CAMTA1: variants seen among roughly 807,000 people sequenced by gnomAD.
CAMTA1 encodes the protein calmodulin-binding transcription activator 1.
In CAMTA1, 27 loss-of-function variants were observed where a neutral mutation model predicts 170.9. The observed-to-expected ratio is 0.16, with a 90% CI of 0.12 to 0.22. The LOEUF (loss-of-function observed/expected upper bound fraction) is 0.22. Ranked by LOEUF, CAMTA1 falls within the 10% of genes least tolerant of loss-of-function variation. CAMTA1 has a pLI of 1.00. For missense variants in CAMTA1, 1,619 were observed against 2,217.2 expected (o/e 0.73, Z 5.42); for synonymous variants, 833 against 891.5 (o/e 0.93, Z 1.17).
At chr1:6,936,881 G>C (rs1230995982) in intron 3 of CAMTA1, among the ~76,000 whole-genome samples, 1 of 152,110 alleles carries the variant, frequency 6.6e-6, no homozygotes, top group Non-Finnish European at 1.5e-5. Flanking sequence ...CCAGCCACTC[G>C]GGAGGCTGAA....
chr1:6,963,285 C>T (rs1397493348), intron 3 of CAMTA1, among the ~76,000 whole-genome samples: 1 of 27,118 alleles, frequency 3.7e-5, no homozygotes, highest in East Asian at 2.6e-3. Flanking sequence ...CCCCCCCCCC[C>T]CCGCTTTCCA....
At chr1:7,095,617 C>A (rs10864278) in intron 4 of CAMTA1, among the ~76,000 whole-genome samples, 38,882 of 152,218 alleles carry the variant, frequency 0.26, 5,247 homozygotes, top group African/African-American at 0.33. Flanking sequence ...TCAATAGCTC[C>A]TCTATTCCTC....
intron 3 of CAMTA1, among the ~76,000 whole-genome samples, chr1:7,018,111 G>GCACC (rs1700818910): frequency 7.8e-6 from 1 of 127,758 alleles, no homozygotes; most frequent in African/African-American, 3.0e-5. Context: ...CCACAGGTGT[G>GCACC]CGGCACCACG....
At chr1:7,407,986 C>T (rs1235501570) in intron 5 of CAMTA1, among the ~76,000 whole-genome samples, 1 of 152,142 alleles carries the variant, frequency 6.6e-6, no homozygotes, top group Non-Finnish European at 1.5e-5. Flanking sequence ...TCAACAAACA[C>T]CAATGCAAGC....
rs1674520795 is a variant in CAMTA1, at chr1:7,299,954, T to A, written c.438+50328T>A. 6.6e-6 allele frequency among the ~76,000 whole-genome samples: 1 copy of A among 152,194 alleles called. No homozygotes were observed. ...CCCCGAAAGCTTAAGTGTCATTGAC[T>A]TCCTAGCAACCCTGACTGTGGTCTG... On this transcript the variant is annotated intron_variant, in intron 5 of 22. Coordinates refer to ENST00000303635, the MANE Select transcript of CAMTA1 (RefSeq NM_015215.4). The surrounding 1 kb of genome is among the most constrained non-coding windows in gnomAD (Gnocchi z 4.7).
At chr1:7,182,537 C>A (rs1652428174) in intron 4 of CAMTA1, among the ~76,000 whole-genome samples, 2 of 150,122 alleles carry the variant, frequency 1.3e-5, no homozygotes, top group Admixed American at 1.3e-4. Flanking sequence ...CATGGGTGAG[C>A]TTTTCTGTAA....
chr1:6,928,360 G>C (rs938220460), intron 3 of CAMTA1, among the ~76,000 whole-genome samples: 1 of 152,188 alleles, frequency 6.6e-6, no homozygotes, highest in East Asian at 1.9e-4. Context: ...TTATAAGACA[G>C]GGAGTCTGAA....
intron 3 of CAMTA1, among the ~76,000 whole-genome samples, chr1:6,880,780 TA>T (rs1442248760): frequency 6.6e-6 from 1 of 152,136 alleles, no homozygotes; most frequent in East Asian, 1.9e-4. Context: ...CAGAGTGACT[TA>T]AATTCAAATA....
chr1:7,607,529 G>A (rs1159200449), intron 6 of CAMTA1, among the ~76,000 whole-genome samples: 2 of 152,030 alleles, frequency 1.3e-5, no homozygotes, highest in Non-Finnish European at 1.5e-5. Context: ...GGGGTTGATG[G>A]ATGGAAGATG....
Position 7,732,458 on chromosome 1 carries a change from C to T in CAMTA1, c.2925C>T (p.Phe975=), listed in dbSNP as rs2096741097. ...CCTGCTCTGCCCTAGATAACCAGTT[C>T]AGGATGTCCATCCTGGAACGACTGG... ...HDWLSLDDNQ[F]RMSILERLEQ... Residue 975 remains phenylalanine, a synonymous_variant, in exon 12 of 23, where the codon TTC becomes TTT. Coordinates refer to ENST00000303635, the MANE Select transcript of CAMTA1 (RefSeq NM_015215.4). The surrounding 1 kb of genome is among the most constrained non-coding windows in gnomAD (Gnocchi z 4.1). 6 of 1,613,946 alleles carry T rather than the reference C, an allele frequency of 3.7e-6. No individual in the cohort carries two copies. Among genetic ancestry groups the T allele is most frequent in the Non-Finnish European group, 5.1e-6 (6 of 1,179,946 alleles).
intron 6 of CAMTA1, among the ~76,000 whole-genome samples, chr1:7,636,367 A>C (rs922378031): frequency 2.6e-5 from 4 of 152,224 alleles, no homozygotes; most frequent in South Asian, 2.1e-4. Context: ...TACCCAGAAA[A>C]GATGAAGAAC....
intron 5 of CAMTA1, among the ~76,000 whole-genome samples, chr1:7,309,448 C>T (rs560835854): frequency 1.7e-4 from 26 of 151,368 alleles, no homozygotes; most frequent in African/African-American, 5.6e-4. Flanking sequence ...TACAGGCGCC[C>T]GCCACTACGC....
At chr1:7,595,544 G>A (rs2095393316) in intron 6 of CAMTA1, among the ~76,000 whole-genome samples, 1 of 152,174 alleles carries the variant, frequency 6.6e-6, no homozygotes, top group African/African-American at 2.4e-5. Context: ...CAGCACCACG[G>A]AGCCCGGACA....
chr1:7,139,083 TTTA>T (rs1307892122), intron 4 of CAMTA1, among the ~76,000 whole-genome samples: 25 of 144,544 alleles, frequency 1.7e-4, no homozygotes, highest in African/African-American at 5.5e-4. Context: ...TTTATATTTA[TTTA>T]TTATTTATAT....
At position 7,249,646 on chromosome 1, in the gene CAMTA1, C is replaced by G; in HGVS notation, c.438+20C>G. The G allele has an allele frequency of 6.2e-7, 1 of 1,611,626 alleles. No homozygotes were observed. The highest frequency in any genetic ancestry group is 8.5e-7 in the Non-Finnish European group (1 of 1,178,884). On this transcript the variant is annotated intron_variant, in intron 5 of 22. Transcript: ENST00000303635. The surrounding 1 kb of genome is among the most constrained non-coding windows in gnomAD (Gnocchi z 4.4). ...GTGGAGGTAAACAGCAGAAAAGGTTCCCTTGGTGCACAAATGTCATTTGCA... is the reference window on the plus strand; with the variant it reads ...GTGGAGGTAAACAGCAGAAAAGGTTGCCTTGGTGCACAAATGTCATTTGCA...
chr1:7,540,972 A>G (rs887580054), intron 6 of CAMTA1, among the ~76,000 whole-genome samples: 3 of 152,160 alleles, frequency 2.0e-5, no homozygotes, highest in African/African-American at 7.2e-5. Flanking sequence ...GTTGCTTACA[A>G]CCTGCCCTGG....
At chr1:7,334,467 T>C (rs1313153960) in intron 5 of CAMTA1, among the ~76,000 whole-genome samples, 2 of 152,232 alleles carry the variant, frequency 1.3e-5, no homozygotes, top group Admixed American at 6.5e-5. Context: ...CTGCTTACCC[T>C]AGCATGTAGC....
chr1:7,363,596 T>A (rs779603546), intron 5 of CAMTA1, among the ~76,000 whole-genome samples: 23 of 152,116 alleles, frequency 1.5e-4, no homozygotes, highest in Non-Finnish European at 2.8e-4. Flanking sequence ...ATGGGTGACA[T>A]CGGAACGATT....
chr1:7,266,189 G>A (rs1035644113), intron 5 of CAMTA1, among the ~76,000 whole-genome samples: 1 of 150,950 alleles, frequency 6.6e-6, no homozygotes, highest in Non-Finnish European at 1.5e-5. Flanking sequence ...TCTGCAGAGC[G>A]GGGGCGTGCT....
Sources: gnomAD v4.1 joint callset for allele counts (sites outside exome capture counted in the v4.1 genomes callset) on GRCh38, gnomAD v4.1.1 for gene constraint, Gnocchi (gnomAD v3.1) non-coding constraint, MANE v1.5 for transcripts, NCBI Gene and HGNC (gene_info 2026-07-23, HGNC 2026-07-21) for gene names.